Variants in AFAP1 observed in about 807,000 individuals in gnomAD.
AFAP1 encodes actin filament associated protein 1, also known as actin filament-associated protein 1.
Under a neutral mutation model 93.9 loss-of-function variants are expected in AFAP1, and 75 were observed. The ratio of observed to expected loss-of-function variants is 0.80; its 90% CI spans 0.66 to 0.97. AFAP1 has a LOEUF of 0.97. AFAP1 is among the 50% of genes least tolerant of loss of function. AFAP1 has a pLI of 0.00. For missense variants in AFAP1, 1,201 were observed against 1,050.8 expected (o/e 1.14, Z -1.98); for synonymous variants, 517 against 430.7 (o/e 1.20, Z -2.48).
At chr4:7,892,288 C>T (rs1718516969) in intron 1 of AFAP1, among the ~76,000 whole-genome samples, 1 of 152,140 alleles carries the variant, frequency 6.6e-6, no homozygotes, top group Admixed American at 6.5e-5. Context: ...GAAAGATGAC[C>T]CGGCCAGCTG....
chr4:7,908,227 A>G (rs1719537000), intron 1 of AFAP1, among the ~76,000 whole-genome samples: 1 of 151,884 alleles, frequency 6.6e-6, no homozygotes, highest in Admixed American at 6.6e-5. Flanking sequence ...AAAAAAAATT[A>G]ATTTAAATTG....
chr4:7,871,974 C>A lies in AFAP1; in HGVS notation c.105G>T (p.Leu35=), dbSNP rs775866336. ...REKKAVITNI[L]LRIQSSKGFD... ...CACCTTTGGATGACTGTATTCTTAG[C>A]AGAATGTTGGTTATCACTGCCTTTT... The change falls in exon 2 of 18, where the codon CTG becomes CTT. Residue 35 remains leucine, a synonymous_variant. Transcript: ENST00000420658. 1 of 1,614,176 alleles carries A rather than the reference C, an allele frequency of 6.2e-7. No individual in the cohort carries two copies. The highest frequency in any genetic ancestry group is 1.3e-5 in the African/African-American group (1 of 75,042).
chr4:7,825,307 C>G (rs968760241), intron 6 of AFAP1, among the ~76,000 whole-genome samples: 4 of 152,160 alleles, frequency 2.6e-5, no homozygotes, highest in African/African-American at 9.7e-5. Context: ...TTCTGGCTCA[C>G]CAGGGGTTGT....
chr4:7,930,341 T>G (rs555679415), intron 1 of AFAP1, among the ~76,000 whole-genome samples: 1 of 150,310 alleles, frequency 6.7e-6, no homozygotes, highest in African/African-American at 2.4e-5. Context: ...GGAGTTTTCA[T>G]AACATAGACA....
intron 1 of AFAP1, among the ~76,000 whole-genome samples, chr4:7,926,049 G>C (rs897757069): frequency 5.3e-5 from 8 of 152,158 alleles, no homozygotes; most frequent in African/African-American, 7.2e-5. Flanking sequence ...TACCCCGAGG[G>C]AGAAGCGCAA....
At chr4:7,769,573 G>C (rs992626672) in intron 16 of AFAP1, among the ~76,000 whole-genome samples, 1 of 151,928 alleles carries the variant, frequency 6.6e-6, no homozygotes, top group Non-Finnish European at 1.5e-5. Flanking sequence ...GCTGAAAATA[G>C]AACAACATGT....
intron 4 of AFAP1, among the ~76,000 whole-genome samples, 197 bp from the exon 5 acceptor site, chr4:7,843,547 G>T (rs1195932427): frequency 2.0e-5 from 3 of 152,182 alleles, no homozygotes; most frequent in Admixed American, 6.5e-5. Context: ...GAAACTCAAT[G>T]ACAAGGTGAA....
intron 10 of AFAP1, among the ~76,000 whole-genome samples, chr4:7,797,167 T>C (rs1047900262): frequency 6.6e-6 from 1 of 152,210 alleles, no homozygotes; most frequent in Non-Finnish European, 1.5e-5. Context: ...TCGCAGTCGA[T>C]GCTAGCTAAT....
intron 8 of AFAP1, among the ~76,000 whole-genome samples, chr4:7,813,146 A>G (rs557201073): frequency 2.0e-4 from 30 of 152,314 alleles, no homozygotes; most frequent in East Asian, 5.8e-4. Flanking sequence ...AAAAAGCTGT[A>G]TGAGTTCAGG....
At chr4:7,767,956 G>C (rs1158059493) in intron 17 of AFAP1, among the ~76,000 whole-genome samples, 3 of 152,194 alleles carry the variant, frequency 2.0e-5, no homozygotes, top group African/African-American at 7.2e-5. Context: ...TACACCTGCA[G>C]TCCCAGCTAC....
At chr4:7,824,198 T>G (rs1187400045) in intron 6 of AFAP1, among the ~76,000 whole-genome samples, 2 of 152,238 alleles carry the variant, frequency 1.3e-5, no homozygotes, top group Non-Finnish European at 2.9e-5. Context: ...TGAGGTTCAA[T>G]GTGTATTTAA....
At chr4:7,923,311 A>G (rs1720537408) in intron 1 of AFAP1, among the ~76,000 whole-genome samples, 1 of 152,208 alleles carries the variant, frequency 6.6e-6, no homozygotes, top group Non-Finnish European at 1.5e-5. Flanking sequence ...GGCAAATACC[A>G]TAGGCTGTGT....
intron 17 of AFAP1, among the ~76,000 whole-genome samples, chr4:7,767,324 A>G (rs1714743986): frequency 6.6e-6 from 1 of 152,182 alleles, no homozygotes; most frequent in Admixed American, 6.5e-5. Flanking sequence ...GGAAGCACAC[A>G]CGGTGATGGG....
intron 9 of AFAP1, among the ~76,000 whole-genome samples, chr4:7,807,948 T>C (rs1376749959): frequency 6.6e-6 from 1 of 152,226 alleles, no homozygotes; most frequent in African/African-American, 2.4e-5. Flanking sequence ...ACGTGAGATC[T>C]GTTGAATACA....
chr4:7,789,798 C>T lies in AFAP1; in HGVS notation c.1413-3487G>A, dbSNP rs181366660. Among the ~76,000 whole-genome samples, 49 of 152,382 alleles carry T rather than the reference C, an allele frequency of 3.2e-4. 1 individual carries two copies. In the East Asian group the frequency reaches 6.0e-3, roughly 19 times the overall value. Reference sequence around the variant, plus strand: ...ATGCTCCGCACCAGCCCCTGCTTTCCGTTCTCTTCATCCTCCCAACTGCTT... The same window carrying T: ...ATGCTCCGCACCAGCCCCTGCTTTCTGTTCTCTTCATCCTCCCAACTGCTT... On this transcript the variant is annotated intron_variant, in intron 11 of 17. Transcript: ENST00000420658.
chr4:7,776,395 T>C (rs939193100), intron 14 of AFAP1: 1 of 152,096 alleles, frequency 6.6e-6, no homozygotes, highest in Non-Finnish European at 1.5e-5. Flanking sequence ...TATGTGTGTG[T>C]GCGTGCGTGT....
rs966255491 is a variant in AFAP1, at chr4:7,786,378, T to A, written c.1413-67A>T. On this transcript the variant is annotated intron_variant, in intron 11 of 17. Transcript: ENST00000420658. The stretch of plus-strand genomic sequence containing the variant: ...CTTTTACTCCAATCAGTCAAGTCTT[T>A]AATGAGTTCTGACTTTATGCCCAAG... 8 of 1,330,162 alleles carry A rather than the reference T, an allele frequency of 6.0e-6. No individual in the cohort carries two copies. The Admixed American group carries it at 1.2e-4, about 20-fold the overall frequency. 82.4% of individuals were successfully genotyped at this position (1,330,162 alleles called of 1,614,324 possible). A position where few individuals can be genotyped will look rare whatever the true frequency, so the allele number is the denominator to read the frequency against.
chr4:7,848,630 T>TAC (rs1553846141), intron 4 of AFAP1, among the ~76,000 whole-genome samples: 1 of 152,172 alleles, frequency 6.6e-6, no homozygotes, highest in Non-Finnish European at 1.5e-5. Flanking sequence ...TGGTACTGCC[T>TAC]ACACTGAGGG....
At chr4:7,893,807 G>A (rs528254759) in intron 1 of AFAP1, among the ~76,000 whole-genome samples, 9 of 152,188 alleles carry the variant, frequency 5.9e-5, no homozygotes, top group African/African-American at 1.9e-4. Context: ...GCCATGGGTC[G>A]CACTTTGAGA....
Sources: allele counts gnomAD v4.1 joint callset (sites outside exome capture counted in the v4.1 genomes callset), GRCh38; gene constraint gnomAD v4.1.1; transcripts MANE v1.5; gene names NCBI Gene and HGNC (gene_info 2026-07-23, HGNC 2026-07-21).